NRXN3: variants seen among roughly 807,000 people sequenced by gnomAD.
NRXN3 encodes the protein neurexin III.
A neutral mutation model predicts 137.6 loss-of-function variants in NRXN3; 32 were observed. The observed-to-expected ratio is 0.23, with a 90% CI of 0.18 to 0.31. The LOEUF (loss-of-function observed/expected upper bound fraction) is 0.31, where lower values mean the gene tolerates loss of function less well. Ranked by LOEUF, NRXN3 falls within the 10% of genes least tolerant of loss-of-function variation. NRXN3 has a pLI of 1.00. For synonymous variants in NRXN3, 798 were observed against 784.5 expected (o/e 1.02, Z -0.29); for missense variants, 1,574 against 2,062.5 (o/e 0.76, Z 4.59).
rs1351454323 is a variant in NRXN3, at chr14:79,844,278, C to T, written c.4094-17064C>T. On this transcript the variant is annotated intron_variant, in intron 20 of 20. Coordinates refer to ENST00000335750, the MANE Select transcript of NRXN3 (RefSeq NM_001330195.2). ...CTCCATGAGGTTTTGCATTAAACTT[C>T]CTCCCACCTCCTGCTAATGTTGATA... 2.0e-5 allele frequency among the ~76,000 whole-genome samples: 3 copies of T among 151,144 alleles called. No homozygotes were observed. The East Asian group carries it at 5.8e-4, about 29-fold the overall frequency.
intron 19 of NRXN3, among the ~76,000 whole-genome samples, chr14:79,782,391 T>C (rs950693508): frequency 3.3e-5 from 5 of 152,180 alleles, no homozygotes; most frequent in Non-Finnish European, 5.9e-5. Flanking sequence ...AGTCTGACCT[T>C]GGATGAGTCA....
chr14:79,826,692 G>A (rs2099303310), intron 20 of NRXN3, among the ~76,000 whole-genome samples: 1 of 152,120 alleles, frequency 6.6e-6, no homozygotes, highest in African/African-American at 2.4e-5. Flanking sequence ...TCTGCATAAT[G>A]GGCTTTGGGA....
chr14:78,175,844 A>G (rs1324831594), intron 1 of NRXN3, among the ~76,000 whole-genome samples: 1 of 152,212 alleles, frequency 6.6e-6, no homozygotes, highest in East Asian at 1.9e-4. Context: ...GCTGCTTTCC[A>G]GCCCATGACA....
intron 8 of NRXN3, among the ~76,000 whole-genome samples, chr14:78,731,223 A>G (rs1228588239): frequency 6.6e-6 from 1 of 152,146 alleles, no homozygotes; most frequent in Non-Finnish European, 1.5e-5. Context: ...AATGCTACTC[A>G]ATAAACCAGT....
chr14:79,802,270 A>G (rs1392143873), intron 19 of NRXN3, among the ~76,000 whole-genome samples: 1 of 152,156 alleles, frequency 6.6e-6, no homozygotes, highest in Non-Finnish European at 1.5e-5. Context: ...CTTTCACTCA[A>G]TACTAGGGAC....
chr14:78,192,107 T>TGTGTGAGAGA (rs796435942), intron 1 of NRXN3, among the ~76,000 whole-genome samples: 3 of 140,426 alleles, frequency 2.1e-5, no homozygotes, highest in African/African-American at 7.8e-5. Context: ...TGTGTGTGTG[T>TGTGTGAGAGA]GAGAGAGAGA....
chr14:79,280,512 C>G, intron 15 of NRXN3: 1 of 1,612,954 alleles, frequency 6.2e-7, no homozygotes, highest in Non-Finnish European at 8.5e-7. Context: ...ATCTATCGTT[C>G]CCCTGTTTCC....
chr14:78,570,941 T>C (rs762534515), intron 4 of NRXN3, among the ~76,000 whole-genome samples: 2 of 152,108 alleles, frequency 1.3e-5, no homozygotes, highest in African/African-American at 2.4e-5. Context: ...AGGCTCAGTG[T>C]CTGGGAGGAG....
intron 15 of NRXN3, among the ~76,000 whole-genome samples, chr14:79,288,185 G>C (rs991748547): frequency 1.3e-5 from 2 of 152,200 alleles, no homozygotes; most frequent in Admixed American, 1.3e-4. Context: ...GTACCAGAGT[G>C]GCACACTGTG....
At chr14:78,709,075 C>T in intron 6 of NRXN3, 142 bp from the exon 7 acceptor site, 1 of 679,946 alleles carries the variant, frequency 1.5e-6, no homozygotes. Flanking sequence ...TTTTTGGTTC[C>T]TGTGTCTCAT....
intron 1 of NRXN3, among the ~76,000 whole-genome samples, chr14:78,241,355 A>T (rs972831410): frequency 6.6e-6 from 1 of 152,172 alleles, no homozygotes. Context: ...TGTGGCCAGC[A>T]GCTGTGGCTC....
intron 9 of NRXN3, among the ~76,000 whole-genome samples, chr14:78,806,912 CAAGT>C (rs1461561336): frequency 1.3e-5 from 2 of 152,124 alleles, no homozygotes; most frequent in Non-Finnish European, 2.9e-5. Flanking sequence ...ATAAATCAAG[CAAGT>C]GTTTTTATGC....
At chr14:78,318,808 T>TGA (rs1233409940) in intron 4 of NRXN3, among the ~76,000 whole-genome samples, 1 of 152,212 alleles carries the variant, frequency 6.6e-6, no homozygotes, top group African/African-American at 2.4e-5. Context: ...CCAAATACCA[T>TGA]GAGAGCAAAG....
chr14:79,058,380 CA>C (rs2099668837), intron 15 of NRXN3, among the ~76,000 whole-genome samples: 1 of 151,940 alleles, frequency 6.6e-6, no homozygotes, highest in Non-Finnish European at 1.5e-5. Flanking sequence ...GTGAAACAGA[CA>C]AGCAGTATGT....
At chr14:79,252,512 A>G (rs1047622207) in intron 15 of NRXN3, among the ~76,000 whole-genome samples, 1 of 148,468 alleles carries the variant, frequency 6.7e-6, no homozygotes, top group Admixed American at 6.7e-5. Context: ...TTTTGCATAT[A>G]TGGCTTTCTA....
chr14:79,328,904 TAAGAAAAGACTGAAAAGAA>T (rs1422027960), intron 15 of NRXN3, among the ~76,000 whole-genome samples: 1 of 152,190 alleles, frequency 6.6e-6, no homozygotes, highest in Non-Finnish European at 1.5e-5. Context: ...TCCTAATGAG[TAAGAAAAGACTGAAAAGAA>T]AAGAAACTGA....
chr14:79,211,883 A>C (rs1202693069), intron 15 of NRXN3, among the ~76,000 whole-genome samples: 1 of 152,178 alleles, frequency 6.6e-6, no homozygotes, highest in Admixed American at 6.5e-5. Context: ...TCACTGTTAC[A>C]GTAACAGTGT....
Position 79,861,056 on chromosome 14 carries a change from C to T in NRXN3, c.4094-286C>T. 4 of 1,402,510 alleles carry T rather than the reference C, an allele frequency of 2.9e-6. No homozygotes were observed. Among genetic ancestry groups the T allele is most frequent in the South Asian group, 1.7e-5 (1 of 59,366 alleles). 86.9% of individuals were successfully genotyped at this position (1,402,510 alleles called of 1,614,324 possible). A position where few individuals can be genotyped will look rare whatever the true frequency, so the allele number is the denominator to read the frequency against. Reference sequence around the variant, plus strand: ...CATCCCAGGAGGTGAATTAGTTATCCCTCTTCTTGTAGAAGACCCTTTAGC... The same window carrying T: ...CATCCCAGGAGGTGAATTAGTTATCTCTCTTCTTGTAGAAGACCCTTTAGC... On this transcript the variant is annotated intron_variant, in intron 20 of 20. Coordinates refer to ENST00000335750, the MANE Select transcript of NRXN3 (RefSeq NM_001330195.2). The surrounding 1 kb of genome is among the most constrained non-coding windows in gnomAD (Gnocchi z 5.4).
chr14:78,761,416 G>C (rs1300338224), intron 8 of NRXN3, among the ~76,000 whole-genome samples: 1 of 152,144 alleles, frequency 6.6e-6, no homozygotes, highest in East Asian at 1.9e-4. Flanking sequence ...AAATAAGATG[G>C]CTTTGTGAAT....
Sources: allele counts gnomAD v4.1 joint callset (sites outside exome capture counted in the v4.1 genomes callset), GRCh38; gene constraint gnomAD v4.1.1; non-coding constraint Gnocchi (gnomAD v3.1); transcripts MANE v1.5; gene names NCBI Gene and HGNC (gene_info 2026-07-23, HGNC 2026-07-21).